GPM6A: variants seen among roughly 807,000 people sequenced by gnomAD.
GPM6A encodes glycoprotein M6A, also known as neuronal membrane glycoprotein M6-a.
A neutral mutation model predicts 32.1 loss-of-function variants in GPM6A; 7 were observed. The observed-to-expected ratio is 0.22, with a 90% CI of 0.12 to 0.41. The LOEUF is 0.41. Among genes scored for constraint, GPM6A ranks in the 10% least tolerant of loss-of-function variants. The probability of loss-of-function intolerance (pLI) is 1.00; values close to 1 mark genes in which losing one functional copy is unlikely to be tolerated. For missense variants in GPM6A, 235 were observed against 347.2 expected, an observed-to-expected ratio of 0.68 and a Z score of 2.57; for synonymous variants, 130 against 123.4, an observed-to-expected ratio of 1.05 and a Z score of -0.35.
intron 1 of GPM6A, among the ~76,000 whole-genome samples, chr4:175,850,431 G>T (rs750796886): frequency 2.3e-4 from 35 of 152,114 alleles, no homozygotes; most frequent in Non-Finnish European, 3.8e-4. Flanking sequence ...TAGAAACCAG[G>T]ATGATTAAAG....
intron 1 of GPM6A, among the ~76,000 whole-genome samples, chr4:175,941,508 T>C (rs1295884857): frequency 1.3e-5 from 2 of 152,156 alleles, no homozygotes; most frequent in Admixed American, 1.3e-4. Flanking sequence ...TCATCTACAT[T>C]AGGTATTTCT....
chr4:175,732,515 GA>G (rs1433781786), intron 1 of GPM6A, among the ~76,000 whole-genome samples: 2 of 152,042 alleles, frequency 1.3e-5, no homozygotes, highest in Non-Finnish European at 2.9e-5. Context: ...TATATAATCT[GA>G]AAAAGCATGG....
At chr4:175,696,776 T>G (rs529083411) in intron 2 of GPM6A, among the ~76,000 whole-genome samples, 1 of 152,316 alleles carries the variant, frequency 6.6e-6, no homozygotes, top group African/African-American at 2.4e-5. Flanking sequence ...TTGCTATTAA[T>G]TCACAGTTTT....
chr4:175,973,045 A>T (rs1348422271), intron 1 of GPM6A, among the ~76,000 whole-genome samples: 1 of 152,222 alleles, frequency 6.6e-6, no homozygotes, highest in Non-Finnish European at 1.5e-5. Context: ...TGTCCATAAC[A>T]GTGAACACCC....
intron 1 of GPM6A, among the ~76,000 whole-genome samples, chr4:175,966,261 G>C (rs60175142): frequency 0.051 from 7,686 of 151,862 alleles, 625 homozygotes; most frequent in African/African-American, 0.17. Flanking sequence ...AATTAGCCAG[G>C]CATGGTGGCA....
At chr4:175,761,798 C>CT (rs35539334) in intron 1 of GPM6A, among the ~76,000 whole-genome samples, 58,484 of 146,712 alleles carry the variant, frequency 0.4, 11,664 homozygotes, top group Non-Finnish European at 0.44. Flanking sequence ...AAATAATAAA[C>CT]TTTTTTTTTT....
intron 1 of GPM6A, among the ~76,000 whole-genome samples, chr4:175,744,014 TAACA>T (rs1385503203): frequency 2.3e-4 from 35 of 150,434 alleles, no homozygotes; most frequent in Admixed American, 2.3e-3. Flanking sequence ...ACAAAAAGGT[TAACA>T]AACTGACCAA....
chr4:175,920,726 G>C (rs898280891), intron 1 of GPM6A, among the ~76,000 whole-genome samples: 1 of 151,838 alleles, frequency 6.6e-6, no homozygotes, highest in Admixed American at 6.6e-5. Flanking sequence ...GTGCGTGCCT[G>C]TAATCCTAGC....
chr4:175,810,832 A>G (rs1271960971), intron 1 of GPM6A, among the ~76,000 whole-genome samples: 4 of 152,216 alleles, frequency 2.6e-5, no homozygotes, highest in African/African-American at 9.6e-5. Flanking sequence ...TGTCCCATTT[A>G]CAATCACTGA....
intron 1 of GPM6A, among the ~76,000 whole-genome samples, chr4:175,831,462 C>T (rs570959758): frequency 6.6e-6 from 1 of 152,216 alleles, no homozygotes; most frequent in African/African-American, 2.4e-5. Context: ...GACCAATCTC[C>T]CAATTCTTCA....
chr4:175,927,400 A>AT (rs1021965195), intron 1 of GPM6A, among the ~76,000 whole-genome samples: 1 of 152,228 alleles, frequency 6.6e-6, no homozygotes, highest in Non-Finnish European at 1.5e-5. Context: ...AGATTATGGC[A>AT]TTTTTTTAAT....
Position 175,640,745 on chromosome 4 carries a change from A to C in GPM6A, c.618+8T>G. 6.3e-7 allele frequency: 1 copy of C among 1,580,218 alleles called. No homozygotes were observed. The highest frequency in any genetic ancestry group is 1.1e-5 in the South Asian group (1 of 90,190). On this transcript the variant is annotated splice_region_variant and intron_variant, in intron 5 of 6. Coordinates refer to ENST00000393658, the MANE Select transcript of GPM6A (RefSeq NM_201591.3). Reference sequence around the variant, plus strand: ...TCTGACAAAATTAAAGGCTGTAAAAACACTCACCTCAGTAGATTCGCACAT... The same window carrying C: ...TCTGACAAAATTAAAGGCTGTAAAACCACTCACCTCAGTAGATTCGCACAT...
chr4:175,965,772 C>G (rs1302333615), intron 1 of GPM6A, among the ~76,000 whole-genome samples: 1 of 151,938 alleles, frequency 6.6e-6, no homozygotes, highest in Non-Finnish European at 1.5e-5. Context: ...TGGTACCACT[C>G]CCAGCTAATT....
chr4:175,961,766 A>G (rs966385210), intron 1 of GPM6A, among the ~76,000 whole-genome samples: 2 of 152,174 alleles, frequency 1.3e-5, no homozygotes, highest in Non-Finnish European at 1.5e-5. Context: ...AGCAAGACCT[A>G]CCCTCAAGGG....
intron 1 of GPM6A, among the ~76,000 whole-genome samples, chr4:175,992,904 TAGAC>T (rs954427472): frequency 1.1e-4 from 17 of 152,310 alleles, no homozygotes; most frequent in East Asian, 1.9e-4. Context: ...CAAACATTCT[TAGAC>T]AGTTTGTTTA....
intron 1 of GPM6A, among the ~76,000 whole-genome samples, chr4:175,777,436 T>C (rs1733440591): frequency 1.3e-5 from 2 of 152,186 alleles, no homozygotes; most frequent in South Asian, 4.1e-4. Context: ...AATGGTAGAA[T>C]ATTTTTAATA....
At chr4:175,661,913 G>A (rs1261527824) in intron 3 of GPM6A, among the ~76,000 whole-genome samples, 1 of 151,868 alleles carries the variant, frequency 6.6e-6, no homozygotes, top group Admixed American at 6.6e-5. Context: ...TTATCATTGA[G>A]TCAGAACTTC....
At position 175,789,715 on chromosome 4, in the gene GPM6A, G is replaced by C. The variant is rs79009128; in HGVS notation, c.37+22476C>G. 2.4e-3 allele frequency among the ~76,000 whole-genome samples: 373 copies of C among 152,266 alleles called. 2 individuals carry two copies. Among genetic ancestry groups the C allele is most frequent in the African/African-American group, 8.4e-3 (350 of 41,554 alleles). On this transcript the variant is annotated intron_variant, in intron 1 of 6. Coordinates refer to ENST00000393658, the MANE Select transcript of GPM6A (RefSeq NM_201591.3). The stretch of plus-strand genomic sequence containing the variant: ...AAAATATAGAAGAAAAAAGATATTA[G>C]TGAGTGATACCATCAAACCAACTCT...
At chr4:175,828,345 G>T (rs185008956) in intron 1 of GPM6A, among the ~76,000 whole-genome samples, 7 of 152,278 alleles carry the variant, frequency 4.6e-5, no homozygotes, top group Admixed American at 4.6e-4. Flanking sequence ...CAAAAATTTA[G>T]CAGGGGGCAT....
Sources: allele counts gnomAD v4.1 joint callset (sites outside exome capture counted in the v4.1 genomes callset), GRCh38; gene constraint gnomAD v4.1.1; transcripts MANE v1.5; gene names NCBI Gene and HGNC (gene_info 2026-07-23, HGNC 2026-07-21).